ADIPOR2: variants seen among roughly 807,000 people sequenced by gnomAD.
ADIPOR2 encodes the protein adiponectin receptor 2.
In ADIPOR2, 18 loss-of-function variants were observed where a neutral mutation model predicts 40.9. That is an observed-to-expected ratio of 0.44 (90% CI 0.30 to 0.65). ADIPOR2 has a LOEUF of 0.65. ADIPOR2 is among the 30% of genes least tolerant of loss of function. The pLI is 0.09. For synonymous variants in ADIPOR2, 165 were observed against 166.4 expected (o/e 0.99, Z 0.06); for missense variants, 283 against 479.2 (o/e 0.59, Z 3.82).
At chr12:1,755,812 GTTAAAAA>G (rs1255585371) in intron 2 of ADIPOR2, among the ~76,000 whole-genome samples, 1 of 152,100 alleles carries the variant, frequency 6.6e-6, no homozygotes, top group East Asian at 1.9e-4. Flanking sequence ...ATTATAAAGT[GTTAAAAA>G]TTAAAGATCA....
At chr12:1,728,734 AAAAT>A (rs977627383) in intron 1 of ADIPOR2, among the ~76,000 whole-genome samples, 30 of 152,130 alleles carry the variant, frequency 2.0e-4, no homozygotes, top group African/African-American at 7.0e-4. Flanking sequence ...AAAAAAAACA[AAAAT>A]AAATAAATAA....
intron 1 of ADIPOR2, among the ~76,000 whole-genome samples, chr12:1,731,646 G>A (rs1233818428): frequency 6.6e-6 from 1 of 152,110 alleles, no homozygotes; most frequent in Non-Finnish European, 1.5e-5. Context: ...TAGCGTACAT[G>A]TTATAGCATA....
chr12:1,724,008 GTC>G (rs1334921852), intron 1 of ADIPOR2, among the ~76,000 whole-genome samples: 1 of 151,300 alleles, frequency 6.6e-6, no homozygotes, highest in East Asian at 1.9e-4. Context: ...GGGAGACAGA[GTC>G]TTGCACTGTT....
chr12:1,691,155 C>T lies in ADIPOR2; in HGVS notation c.-123C>T, dbSNP rs1253237779. On this transcript the variant is annotated 5_prime_UTR_variant, in exon 1 of 8. Coordinates refer to ENST00000357103, the MANE Select transcript of ADIPOR2 (RefSeq NM_024551.3). ...CTCCGTTCCCCCCTCCTCCCCCCTCCCCTCAGCGGTGGCTCCCAAGAAGTC... is the reference window on the plus strand; with the variant it reads ...CTCCGTTCCCCCCTCCTCCCCCCTCTCCTCAGCGGTGGCTCCCAAGAAGTC... 6.4e-6 allele frequency: 1 copy of T among 155,766 alleles called. No homozygotes were observed. The highest frequency in any genetic ancestry group is 1.9e-4 in the East Asian group (1 of 5,268). 9.6% of individuals were successfully genotyped at this position (155,766 alleles called of 1,614,324 possible).
intron 1 of ADIPOR2, among the ~76,000 whole-genome samples, chr12:1,725,334 G>T (rs60523400): frequency 2.0e-5 from 3 of 151,832 alleles, no homozygotes; most frequent in Non-Finnish European, 4.4e-5. Context: ...TGGCCAGGCT[G>T]GTCTTGAACT....
chr12:1,725,535 CTA>C (rs746931145), intron 1 of ADIPOR2, among the ~76,000 whole-genome samples: 1 of 152,234 alleles, frequency 6.6e-6, no homozygotes, highest in Non-Finnish European at 1.5e-5. Flanking sequence ...TATTTATAGT[CTA>C]TATGTTGACT....
chr12:1,700,200 G>A (rs11061930), intron 1 of ADIPOR2, among the ~76,000 whole-genome samples: 1 of 152,186 alleles, frequency 6.6e-6, no homozygotes, highest in African/African-American at 2.4e-5. Flanking sequence ...GGCAAAATTA[G>A]TTAGCTTATT....
intron 1 of ADIPOR2, among the ~76,000 whole-genome samples, chr12:1,743,733 T>C (rs974588788): frequency 2.0e-5 from 3 of 152,230 alleles, no homozygotes; most frequent in Admixed American, 6.5e-5. Context: ...TGAGTTATCT[T>C]GAACTGTTGA....
chr12:1,780,985 C>T lies in ADIPOR2; in HGVS notation c.747C>T (p.Tyr249=). 6.2e-7 allele frequency: 1 copy of T among 1,613,864 alleles called. No homozygotes were observed. Among genetic ancestry groups the T allele is most frequent in the East Asian group, 2.2e-5 (1 of 44,864 alleles). ...GTAATCCACAACCTTGCTTCATCTA[C>T]TTGATTGTCATCTGTGTGCTGGGCA... ...FYCNPQPCFI[Y]LIVICVLGIA... Residue 249 remains tyrosine, a synonymous_variant, in exon 6 of 8, where the codon TAC becomes TAT. Transcript: ENST00000357103.
chr12:1,766,760 T>G (rs1480061452), intron 2 of ADIPOR2, among the ~76,000 whole-genome samples: 2 of 152,188 alleles, frequency 1.3e-5, no homozygotes, highest in Non-Finnish European at 2.9e-5. Context: ...GCCTTTATGG[T>G]TGTCCTACTT....
chr12:1,757,894 C>G, intron 2 of ADIPOR2: 2 of 824,142 alleles, frequency 2.4e-6, no homozygotes, highest in Non-Finnish European at 4.3e-6. Flanking sequence ...GGGAGACACT[C>G]TCTCAACTTG....
Position 1,710,758 on chromosome 12 carries a change from G to A in ADIPOR2, c.-87+19567G>A, listed in dbSNP as rs545341263. ...TTGGTTGACCCTGTAGCCATGAGGG[G>A]AACTCTGTAGGTCAGCCAAAGGTTC... is the stretch of plus-strand genomic sequence containing the variant. On this transcript the variant is annotated intron_variant, in intron 1 of 7. Coordinates refer to ENST00000357103, the MANE Select transcript of ADIPOR2 (RefSeq NM_024551.3). Among the ~76,000 whole-genome samples, 29 of 152,186 alleles carry A rather than the reference G, an allele frequency of 1.9e-4. 1 individual carries two copies. In the South Asian group the frequency reaches 5.8e-3, roughly 30 times the overall value.
intron 7 of ADIPOR2, among the ~76,000 whole-genome samples, chr12:1,784,619 A>C (rs961738849): frequency 2.0e-5 from 3 of 152,186 alleles, no homozygotes; most frequent in African/African-American, 7.2e-5. Flanking sequence ...AGTGATTTGT[A>C]ATGGGAGACT....
intron 2 of ADIPOR2, among the ~76,000 whole-genome samples, chr12:1,755,828 C>CAAAATAG (rs1170763385): frequency 6.6e-6 from 1 of 151,826 alleles, no homozygotes; most frequent in Non-Finnish European, 1.5e-5. Context: ...AATTAAAGAT[C>CAAAATAG]AAAATAGAAT....
chr12:1,732,396 G>A (rs1010405709), intron 1 of ADIPOR2, among the ~76,000 whole-genome samples: 1 of 152,084 alleles, frequency 6.6e-6, no homozygotes, highest in Non-Finnish European at 1.5e-5. Flanking sequence ...TCATATAATT[G>A]GAGTCATATA....
At chr12:1,770,314 A>G (rs546139594) in intron 2 of ADIPOR2, among the ~76,000 whole-genome samples, 2 of 152,296 alleles carry the variant, frequency 1.3e-5, no homozygotes, top group Admixed American at 6.5e-5. Flanking sequence ...TAATGGTAGT[A>G]TACATTAGCC....
intron 1 of ADIPOR2, among the ~76,000 whole-genome samples, chr12:1,724,278 G>A (rs902444807): frequency 3.9e-5 from 6 of 152,294 alleles, no homozygotes; most frequent in African/African-American, 1.2e-4. Context: ...ACCGCACCCG[G>A]CCACAAAGTG....
intron 7 of ADIPOR2, among the ~76,000 whole-genome samples, chr12:1,785,430 T>A (rs1862806930): frequency 6.6e-6 from 1 of 152,090 alleles, no homozygotes; most frequent in South Asian, 2.1e-4. Flanking sequence ...GTTGTGACAT[T>A]CCACACACCA....
intron 1 of ADIPOR2, among the ~76,000 whole-genome samples, chr12:1,711,631 TCTCTCTC>T (rs759378120): frequency 2.8e-5 from 4 of 143,848 alleles, no homozygotes; most frequent in African/African-American, 1.2e-4. Flanking sequence ...TCTCTCTCTC[TCTCTCTC>T]TCTTTCTCTC....
Sources: allele counts gnomAD v4.1 joint callset (sites outside exome capture counted in the v4.1 genomes callset), GRCh38; gene constraint gnomAD v4.1.1; transcripts MANE v1.5; gene names NCBI Gene and HGNC (gene_info 2026-07-23, HGNC 2026-07-21).